FRAS1: variants seen among roughly 807,000 people sequenced by gnomAD.
The protein encoded by FRAS1 is extracellular matrix organizing protein FRAS1.
FRAS1 carries 290 observed loss-of-function variants against 435.2 expected under a neutral mutation model. The observed-to-expected ratio is 0.67, with a 90% confidence interval of 0.61 to 0.73. FRAS1 has a LOEUF of 0.73. Among genes scored for constraint, FRAS1 ranks in the 30% least tolerant of loss-of-function variants. The pLI is 0.00. For missense variants in FRAS1, 4,860 were observed against 5,001.5 expected, an observed-to-expected ratio of 0.97 and a Z score of 0.85; for synonymous variants, 1,800 against 1,851.0, an observed-to-expected ratio of 0.97 and a Z score of 0.71.
chr4:78,174,442 G>A (rs1383512208), intron 2 of FRAS1, among the ~76,000 whole-genome samples: 3 of 152,134 alleles, frequency 2.0e-5, no homozygotes, highest in Admixed American at 2.0e-4. Flanking sequence ...ACCAATGATG[G>A]CAGTGCAAAT....
At chr4:78,490,115 C>T (rs747739272) in intron 59 of FRAS1, among the ~76,000 whole-genome samples, 5 of 151,986 alleles carry the variant, frequency 3.3e-5, no homozygotes, top group Non-Finnish European at 7.4e-5. Context: ...GCTAACTTTC[C>T]TAAATATATA....
intron 14 of FRAS1, among the ~76,000 whole-genome samples, chr4:78,304,411 G>A (rs1303576964): frequency 6.6e-6 from 1 of 152,172 alleles, no homozygotes; most frequent in Admixed American, 6.5e-5. Context: ...CTATTGATTG[G>A]AATAGTTTCA....
At position 78,466,286 on chromosome 4, in the gene FRAS1, C is replaced by T; in HGVS notation, c.7108C>T (p.His2370Tyr). ...GCGAACCAGCAATGGGCAGCATTTC[C>T]ACCTCACCTCCACCTTCACCATGAA... ...IERTSNGQHFHLTSTFTMKDI... is the reference protein window; with the variant it reads ...IERTSNGQHFYLTSTFTMKDI... Residue 2370 changes from histidine (H) to tyrosine (Y), a missense_variant, in exon 50 of 74, where the codon CAC becomes TAC. Coordinates refer to ENST00000512123, the MANE Select transcript of FRAS1 (RefSeq NM_025074.7). 1 of 1,613,920 alleles carries T rather than the reference C, an allele frequency of 6.2e-7. No homozygotes were observed. Among genetic ancestry groups the T allele is most frequent in the Non-Finnish European group, 8.5e-7 (1 of 1,179,832 alleles).
chr4:78,520,944 A>G (rs11733290), intron 67 of FRAS1, among the ~76,000 whole-genome samples: 21,237 of 152,154 alleles, frequency 0.14, 1,786 homozygotes, highest in Non-Finnish European at 0.2. Flanking sequence ...GTTTTGTTCA[A>G]GTTCATGTTT....
intron 2 of FRAS1, among the ~76,000 whole-genome samples, chr4:78,076,632 T>A (rs1347228919): frequency 6.6e-6 from 1 of 152,164 alleles, no homozygotes; most frequent in East Asian, 1.9e-4. Flanking sequence ...TAAAATATAT[T>A]TTTTAAAAGA....
At chr4:78,208,698 A>C (rs903448566) in intron 2 of FRAS1, among the ~76,000 whole-genome samples, 1 of 152,208 alleles carries the variant, frequency 6.6e-6, no homozygotes, top group Non-Finnish European at 1.5e-5. Flanking sequence ...CTGGTTTTCA[A>C]AACTTCATTG....
In FRAS1 at chr4:78,222,063, G is replaced by GTGGAGCTCTGCCCCCC. The variant is rs1242959970; in HGVS notation, c.109-15433_109-15418dup. On this transcript the variant is annotated intron_variant, in intron 2 of 73. Transcript: ENST00000512123. ...GAATACAGGTGAGCAGGGCAGAGCC[G>GTGGAGCTCTGCCCCCC]TGGAGCTCTGCCCCCCTGGAGCTCT... Among the ~76,000 whole-genome samples the GTGGAGCTCTGCCCCCC allele has an allele frequency of 1.4e-4, 21 of 152,232 alleles. No homozygotes were observed. The East Asian group carries it at 2.1e-3, about 15-fold the overall frequency.
At chr4:78,235,746 G>T (rs10004997) in intron 2 of FRAS1, among the ~76,000 whole-genome samples, 145,105 of 152,328 alleles carry the variant, frequency 0.95, 69,505 homozygotes, top group East Asian at 1. Context: ...CCTAGGAGTT[G>T]GTCACCAGCC....
intron 18 of FRAS1, among the ~76,000 whole-genome samples, chr4:78,332,138 G>A (rs1161855068): frequency 1.3e-5 from 2 of 152,188 alleles, no homozygotes; most frequent in African/African-American, 4.8e-5. Flanking sequence ...CTAGTACCTG[G>A]CCCCAAGGCA....
chr4:78,157,268 T>C (rs1204518849), intron 2 of FRAS1, among the ~76,000 whole-genome samples: 1 of 152,206 alleles, frequency 6.6e-6, no homozygotes, highest in Non-Finnish European at 1.5e-5. Flanking sequence ...CTATTGTGAA[T>C]AGTGCTGTGA....
intron 2 of FRAS1, among the ~76,000 whole-genome samples, chr4:78,082,330 C>T (rs1160947073): frequency 1.3e-5 from 2 of 151,910 alleles, no homozygotes; most frequent in East Asian, 1.9e-4. Context: ...TACTGATCAC[C>T]CTATTATACT....
chr4:78,414,858 G>A (rs1475535777), intron 32 of FRAS1, among the ~76,000 whole-genome samples: 2 of 152,158 alleles, frequency 1.3e-5, no homozygotes, highest in Non-Finnish European at 2.9e-5. Context: ...GAGGAGACAA[G>A]CAAATAAATA....
At chr4:78,526,981 G>A (rs146683468) in intron 70 of FRAS1, among the ~76,000 whole-genome samples, 19 of 152,222 alleles carry the variant, frequency 1.2e-4, no homozygotes, top group Admixed American at 4.6e-4. Context: ...CAAGTATAAT[G>A]CCAAAGTGTT....
At chr4:78,495,445 T>G (rs973873890) in intron 59 of FRAS1, among the ~76,000 whole-genome samples, 4 of 152,164 alleles carry the variant, frequency 2.6e-5, no homozygotes, top group Non-Finnish European at 4.4e-5. Flanking sequence ...AAAATAAAAG[T>G]GATAGCTTCC....
At chr4:78,119,651 G>A (rs1718898946) in intron 2 of FRAS1, among the ~76,000 whole-genome samples, 1 of 152,142 alleles carries the variant, frequency 6.6e-6, no homozygotes, top group Non-Finnish European at 1.5e-5. Flanking sequence ...CAAAAAACAG[G>A]GGTAATAGTT....
intron 24 of FRAS1, 133 bp from the exon 25 acceptor site, chr4:78,373,978 G>A: frequency 1.4e-6 from 1 of 727,654 alleles, no homozygotes; most frequent in Non-Finnish European, 2.0e-6. Context: ...CAGACTCCTT[G>A]ACTCTTCATA....
At chr4:78,362,461 T>C (rs1731108627) in intron 20 of FRAS1, among the ~76,000 whole-genome samples, 1 of 152,236 alleles carries the variant, frequency 6.6e-6, no homozygotes, top group African/African-American at 2.4e-5. Flanking sequence ...GTGCAGGATC[T>C]GGCTGGCCAC....
rs17003267 is a variant in FRAS1, at chr4:78,469,013, A to G, written c.7258-965A>G. 3.0e-3 allele frequency among the ~76,000 whole-genome samples: 451 copies of G among 152,272 alleles called. 1 individual carries two copies. The highest frequency in any genetic ancestry group is 0.011 in the African/African-American group (437 of 41,544). On this transcript the variant is annotated intron_variant, in intron 50 of 73. Transcript: ENST00000512123. ...GGATGGCTCTTGGGATTTTCCTGCC[A>G]TTGCGGTGTCTGCACAGCATCACCA...
intron 14 of FRAS1, among the ~76,000 whole-genome samples, chr4:78,293,755 C>A (rs1391991382): frequency 6.6e-6 from 1 of 152,158 alleles, no homozygotes; most frequent in African/African-American, 2.4e-5. Flanking sequence ...ATATTATATT[C>A]ATATGCAGAA....
Sources: allele counts gnomAD v4.1 joint callset (sites outside exome capture counted in the v4.1 genomes callset), GRCh38; gene constraint gnomAD v4.1.1; transcripts MANE v1.5; gene names NCBI Gene and HGNC (gene_info 2026-07-23, HGNC 2026-07-21).